Variants in FAT3 observed in about 807,000 individuals in gnomAD.
FAT3 encodes FAT atypical cadherin 3, also known as protocadherin Fat 3.
Under a neutral mutation model 310.2 loss-of-function variants are expected in FAT3, and 95 were observed. The observed-to-expected ratio is 0.31, with a 90% CI of 0.26 to 0.36. The LOEUF (loss-of-function observed/expected upper bound fraction) is 0.36, where lower values mean the gene tolerates loss of function less well. FAT3 is among the 10% of genes least tolerant of loss of function. FAT3 has a pLI of 1.00. For missense variants in FAT3, 5,408 were observed against 5,715.6 expected, an observed-to-expected ratio of 0.95 and a Z score of 1.74; for synonymous variants, 2,314 against 2,192.9, an observed-to-expected ratio of 1.06 and a Z score of -1.54.
At chr11:92,338,363 G>C (rs1315001546) in intron 1 of FAT3, among the ~76,000 whole-genome samples, 2 of 152,104 alleles carry the variant, frequency 1.3e-5, no homozygotes, top group Non-Finnish European at 2.9e-5. Flanking sequence ...TCAAAGCAAT[G>C]ATCCTATTTC....
intron 3 of FAT3, among the ~76,000 whole-genome samples, chr11:92,566,809 G>A (rs1955469703): frequency 6.6e-6 from 1 of 152,134 alleles, no homozygotes. Flanking sequence ...TTTAATAAAT[G>A]GTGCTGGGAA....
At chr11:92,377,335 A>G (rs1432519828) in intron 2 of FAT3, among the ~76,000 whole-genome samples, 1 of 152,184 alleles carries the variant, frequency 6.6e-6, no homozygotes, top group African/African-American at 2.4e-5. Context: ...GGTGTGGGAT[A>G]ATTTCTTAAA....
At chr11:92,372,687 A>C (rs1949224263) in intron 2 of FAT3, among the ~76,000 whole-genome samples, 1 of 151,568 alleles carries the variant, frequency 6.6e-6, no homozygotes, top group Admixed American at 6.6e-5. Flanking sequence ...CTGAGACGGA[A>C]TCTCACTCTG....
At chr11:92,737,066 G>A (rs550037532) in intron 4 of FAT3, among the ~76,000 whole-genome samples, 1 of 152,226 alleles carries the variant, frequency 6.6e-6, no homozygotes, top group South Asian at 2.1e-4. Flanking sequence ...AAGGTGGCAA[G>A]GTGACATCTA....
At chr11:92,263,817 A>G (rs188324665) in intron 1 of FAT3, among the ~76,000 whole-genome samples, 54 of 151,682 alleles carry the variant, frequency 3.6e-4, no homozygotes, top group African/African-American at 1.0e-3. Flanking sequence ...TTTCATCTTG[A>G]TGTCTTTTGT....
Position 92,764,959 on chromosome 11 carries a change from T to G in FAT3, c.4065T>G (p.Pro1355=). 6.2e-7 allele frequency: 1 copy of G among 1,613,864 alleles called. No individual in the cohort carries two copies. The highest frequency in any genetic ancestry group is 8.5e-7 in the Non-Finnish European group (1 of 1,179,836). Residue 1355 remains proline (P), a synonymous_variant, in exon 6 of 28, where the codon CCT becomes CCG. Transcript: ENST00000525166. The part of the protein sequence containing the change: ...LHIEWIKKPP[P]SPIPLTFDEP... Reference sequence around the variant, plus strand: ...TTGAATGGATTAAGAAACCACCCCCTTCACCTATACCATTGACCTTCGATG... The same window carrying G: ...TTGAATGGATTAAGAAACCACCCCCGTCACCTATACCATTGACCTTCGATG...
intron 3 of FAT3, among the ~76,000 whole-genome samples, chr11:92,599,134 A>G (rs1478577699): frequency 6.6e-6 from 1 of 152,146 alleles, no homozygotes; most frequent in African/African-American, 2.4e-5. Context: ...TTCTTGCTCA[A>G]GGGAATTGTA....
At chr11:92,487,616 A>G (rs1025407356) in intron 2 of FAT3, among the ~76,000 whole-genome samples, 13 of 152,222 alleles carry the variant, frequency 8.5e-5, no homozygotes, top group African/African-American at 3.1e-4. Flanking sequence ...ATATTGATAG[A>G]TAAAGAGGCA....
At chr11:92,418,397 A>C in intron 2 of FAT3, among the ~76,000 whole-genome samples, 1 of 149,502 alleles carries the variant, frequency 6.7e-6, no homozygotes. Flanking sequence ...AACAGCAACA[A>C]ACTTCAGTGC....
intron 1 of FAT3, among the ~76,000 whole-genome samples, chr11:92,227,470 G>A (rs1863969361): frequency 1.3e-5 from 2 of 152,176 alleles, no homozygotes; most frequent in Admixed American, 6.5e-5. Context: ...TGGTGGAAAG[G>A]GGAAGCCCGC....
rs372743116 is a variant in FAT3, at chr11:92,524,736, T to C, written c.3395T>C (p.Ile1132Thr). ...GGCGTTGTTCCACTCTACTCCACCA[T>C]TGAGGTCTACATTGAAGTTGAAGAT... ...DRGVVPLYST[I>T]EVYIEVEDVN... is the part of the protein sequence containing the mutation. Residue 1132 changes from isoleucine to threonine, a missense_variant, in exon 3 of 28, where the codon ATT (isoleucine) becomes ACT (threonine). Physicochemically the swap from Ile to Thr is moderately conservative, Grantham distance 89. This residue lies in a region of FAT3 where 4,588 missense variants were observed against 4,809.8 expected (regional missense o/e 0.95). Coordinates refer to ENST00000525166, the MANE Select transcript of FAT3 (RefSeq NM_001367949.2). 3.6e-5 allele frequency: 58 copies of C among 1,613,720 alleles called. No individual in the cohort carries two copies. The highest frequency in any genetic ancestry group is 8.9e-5 in the East Asian group (4 of 44,874).
At chr11:92,581,141 C>G (rs1160965730) in intron 3 of FAT3, among the ~76,000 whole-genome samples, 2 of 152,112 alleles carry the variant, frequency 1.3e-5, no homozygotes, top group East Asian at 1.9e-4. Flanking sequence ...AAATACAAGT[C>G]TGGCCCTCCC....
At chr11:92,702,017 C>T (rs1944110240) in intron 4 of FAT3, among the ~76,000 whole-genome samples, 1 of 152,130 alleles carries the variant, frequency 6.6e-6, no homozygotes, top group African/African-American at 2.4e-5. Context: ...TCAGGTGTGC[C>T]TGTGATTGTA....
At chr11:92,510,812 C>T (rs756453956) in intron 2 of FAT3, among the ~76,000 whole-genome samples, 26 of 152,232 alleles carry the variant, frequency 1.7e-4, no homozygotes, top group Non-Finnish European at 2.2e-4. Context: ...GTAACAGGCA[C>T]TGAAGGCGGC....
chr11:92,456,001 G>T (rs1207542046), intron 2 of FAT3, among the ~76,000 whole-genome samples: 1 of 152,188 alleles, frequency 6.6e-6, no homozygotes, highest in East Asian at 1.9e-4. Flanking sequence ...AGCTTGTGTG[G>T]TCTGTTGTGG....
At chr11:92,644,009 A>G (rs1424382092) in intron 3 of FAT3, among the ~76,000 whole-genome samples, 1 of 152,276 alleles carries the variant, frequency 6.6e-6, no homozygotes, top group African/African-American at 2.4e-5. Flanking sequence ...TACTGTCATC[A>G]TATCAGGGAG....
At chr11:92,331,287 CTT>C (rs533844533) in intron 1 of FAT3, among the ~76,000 whole-genome samples, 3 of 139,210 alleles carry the variant, frequency 2.2e-5, no homozygotes, top group African/African-American at 5.1e-5. Flanking sequence ...TTTATTTCTT[CTT>C]TTTTTTTTTT....
At position 92,859,253 on chromosome 11, in the gene FAT3, G is replaced by A. The variant is rs766657318; in HGVS notation, c.11589G>A (p.Leu3863=). 1.9e-6 allele frequency: 3 copies of A among 1,613,598 alleles called. No individual in the cohort carries two copies. The highest frequency in any genetic ancestry group is 1.1e-5 in the South Asian group (1 of 90,998). The part of the protein sequence containing the change: ...NSKEEDFKLA[L]RLRTLQSNGI... ...AAGAAGAGGATTTCAAACTAGCTCT[G>A]CGTCTTCGAACACTGCAAAGCAATG... The change falls in exon 21 of 28, where the codon CTG becomes CTA. Residue 3863 remains leucine, a synonymous_variant. Coordinates refer to ENST00000525166, the MANE Select transcript of FAT3 (RefSeq NM_001367949.2).
chr11:92,561,906 G>T (rs143375514), intron 3 of FAT3, among the ~76,000 whole-genome samples: 5 of 152,078 alleles, frequency 3.3e-5, no homozygotes, highest in African/African-American at 1.2e-4. Context: ...GATTACAGGC[G>T]TGAACCACCA....
Sources: gnomAD v4.1 joint callset for allele counts (sites outside exome capture counted in the v4.1 genomes callset) on GRCh38, gnomAD v4.1.1 for gene constraint, gnomAD v4.1.1 regional missense constraint, MANE v1.5 for transcripts, NCBI Gene and HGNC (gene_info 2026-07-23, HGNC 2026-07-21) for gene names.